Variants in ERMARD observed in about 807,000 individuals in gnomAD.
The protein encoded by ERMARD is endoplasmic reticulum membrane-associated RNA degradation protein.
A neutral mutation model predicts 83.9 loss-of-function variants in ERMARD; 71 were observed. That is an observed-to-expected ratio of 0.85 (90% CI 0.70 to 1.03). ERMARD has a LOEUF of 1.03. ERMARD is among the 50% of genes least tolerant of loss of function. The pLI is 0.00. For missense variants in ERMARD, 838 were observed against 810.9 expected (o/e 1.03, Z -0.41); for synonymous variants, 284 against 298.6 (o/e 0.95, Z 0.50).
At chr6:169,766,240 A>C (rs186982000) in intron 9 of ERMARD, among the ~76,000 whole-genome samples, 1 of 152,372 alleles carries the variant, frequency 6.6e-6, no homozygotes, top group East Asian at 1.9e-4. Flanking sequence ...AGCGTGCATG[A>C]AATAAAATAA....
chr6:169,770,651 G>C (rs1392240881), intron 12 of ERMARD: 1 of 151,688 alleles, frequency 6.6e-6, no homozygotes, highest in Non-Finnish European at 1.5e-5. Flanking sequence ...ACAGGGTCTT[G>C]CTCTGTCACC....
In ERMARD at chr6:169,760,773, T is replaced by C; in HGVS notation, c.857+17T>C. 6.4e-7 allele frequency: 1 copy of C among 1,566,608 alleles called. No homozygotes were observed. The highest frequency in any genetic ancestry group is 8.8e-7 in the Non-Finnish European group (1 of 1,140,306). The stretch of plus-strand genomic sequence containing the variant: ...GTCACACAGGTAACTAAAGGGTACA[T>C]GGCAGAGTGGTTTGCAGTGGTTGGA... On this transcript the variant is annotated intron_variant, in intron 8 of 17. Transcript: ENST00000366773.
chr6:169,772,853 A>T (rs2128361075), intron 12 of ERMARD, among the ~76,000 whole-genome samples: 1 of 151,410 alleles, frequency 6.6e-6, no homozygotes, highest in South Asian at 2.1e-4. Flanking sequence ...TTTGTTTCTC[A>T]TAGGTTTTAG....
At chr6:169,781,231 GTTTAC>G (rs1442655688) in intron 17 of ERMARD, 94 bp from the exon 18 acceptor site, 12 of 1,122,812 alleles carry the variant, frequency 1.1e-5, no homozygotes, top group South Asian at 6.6e-5. Context: ...ATTAACTGCA[GTTTAC>G]TTTAGGAATA....
At chr6:169,757,551 A>G (rs1018724269) in intron 5 of ERMARD, among the ~76,000 whole-genome samples, 3 of 152,220 alleles carry the variant, frequency 2.0e-5, no homozygotes, top group African/African-American at 7.2e-5. Flanking sequence ...AAAAAAATTC[A>G]GATGTTAAAA....
intron 3 of ERMARD, 38 bp from the exon 4 acceptor site, chr6:169,756,300 C>A: frequency 7.7e-7 from 1 of 1,295,032 alleles, no homozygotes; most frequent in Non-Finnish European, 1.1e-6. Context: ...GAAGTAGTTT[C>A]AGAGTGTACA....
intron 3 of ERMARD, 64 bp downstream of exon 3, chr6:169,755,486 A>G (rs1384236571): frequency 7.6e-6 from 12 of 1,577,790 alleles, no homozygotes; most frequent in African/African-American, 4.1e-5. Context: ...AGGACGTACT[A>G]TTTGCCAATT....
rs370300342 is a variant in ERMARD, at chr6:169,769,603, G to A, written c.1123G>A (p.Gly375Arg). 1.2e-5 allele frequency: 20 copies of A among 1,612,912 alleles called. No individual in the cohort carries two copies. Among genetic ancestry groups the A allele is most frequent in the East Asian group, 1.1e-4 (5 of 44,868 alleles). Residue 375 changes from glycine to arginine, a missense_variant, in exon 12 of 18, where the codon GGG (glycine) becomes AGG (arginine). Transcript: ENST00000366773. ...CCGCATAAGAGATCATTTAAGCCAC[G>A]GGGAGATCAACTTACATGAATTTTC... ...GPRIRDHLSH[G>R]EINLHEFSKE...
chr6:169,776,539 G>C lies in ERMARD; in HGVS notation c.1605G>C (p.Val535=), dbSNP rs1419086831. ...GGATTGTGCTGGAAGTGCTGGTTGT[G>C]CTCCGAAGCATCAGCGAACAGTGCC... ...CPRIVLEVLV[V]LRSISEQCRR... Residue 535 remains valine, a synonymous_variant, in exon 16 of 18, where the codon GTG becomes GTC. Transcript: ENST00000366773. The C allele has an allele frequency of 6.2e-7, 1 of 1,614,194 alleles. No homozygotes were observed. Among genetic ancestry groups the C allele is most frequent in the South Asian group, 1.1e-5 (1 of 91,078 alleles).
rs375610749 is a variant in ERMARD, at chr6:169,756,463, A to G, written c.417+24A>G. On this transcript the variant is annotated intron_variant, in intron 4 of 17. Transcript: ENST00000366773. Reference sequence around the variant, plus strand: ...ATGTAAGTGTGAGAACTCTTTCATTATTGGCCCATTAAATTATCTGAATGA... The same window carrying G: ...ATGTAAGTGTGAGAACTCTTTCATTGTTGGCCCATTAAATTATCTGAATGA... The G allele has an allele frequency of 3.4e-6, 5 of 1,480,374 alleles. No homozygotes were observed. The African/African-American group carries it at 4.2e-5, about 12-fold the overall frequency. 91.7% of individuals were successfully genotyped at this position (1,480,374 alleles called of 1,614,324 possible).
chr6:169,781,317 T>A lies in ERMARD; in HGVS notation c.1854-13T>A, dbSNP rs763269387. ...TAATGGAATGGATAAAGAAATTAAT[T>A]TTTTTTTTACAGGTTTGTAAAGTCG... is the stretch of plus-strand genomic sequence containing the variant. On this transcript the variant is annotated splice_polypyrimidine_tract_variant and intron_variant, in intron 17 of 17. Coordinates refer to ENST00000366773, the MANE Select transcript of ERMARD (RefSeq NM_018341.3). 2 of 1,574,572 alleles carry A rather than the reference T, an allele frequency of 1.3e-6. No individual in the cohort carries two copies. Among genetic ancestry groups the A allele is most frequent in the Admixed American group, 4.0e-5 (2 of 49,588 alleles).
chr6:169,767,780 C>CACACACACACAG (rs1185340700), intron 10 of ERMARD: 25 of 351,632 alleles, frequency 7.1e-5, no homozygotes, highest in African/African-American at 5.2e-4. Context: ...CACACACACA[C>CACACACACACAG]AGGCACAGTT....
chr6:169,775,380 G>C, intron 14 of ERMARD, 34 bp downstream of exon 14: 1 of 1,606,284 alleles, frequency 6.2e-7, no homozygotes, highest in Non-Finnish European at 8.5e-7. Flanking sequence ...CTGACCTCAA[G>C]CTTGTCTGGT....
chr6:169,766,671 A>G lies in ERMARD; in HGVS notation c.990+4A>G. The G allele has an allele frequency of 6.4e-7, 1 of 1,573,016 alleles. No individual in the cohort carries two copies. The highest frequency in any genetic ancestry group is 8.6e-7 in the Non-Finnish European group (1 of 1,169,156). On this transcript the variant is annotated splice_donor_region_variant and intron_variant, in intron 10 of 17. Coordinates refer to ENST00000366773, the MANE Select transcript of ERMARD (RefSeq NM_018341.3). The stretch of plus-strand genomic sequence containing the variant: ...TCTTTATACCACCTTTGATCAAGTA[A>G]GTAAGTAAACTTGTAAGGTAACTTG...
intron 15 of ERMARD, 155 bp downstream of exon 15, chr6:169,776,220 G>C: frequency 6.6e-7 from 1 of 1,515,706 alleles, no homozygotes; most frequent in East Asian, 2.4e-5. Flanking sequence ...GATAAGTTTT[G>C]ACAATCTCTG....
In ERMARD at chr6:169,781,436, A is replaced by G. The variant is rs1794187033; in HGVS notation, c.1960A>G (p.Lys654Glu). Residue 654 changes from lysine (K) to glutamate (E), a missense_variant, in exon 18 of 18, where the codon AAA becomes GAA. Transcript: ENST00000366773. The stretch of plus-strand genomic sequence containing the variant: ...CAATCTTACACATACAGCTTTGTTG[A>G]AAATGTGGACTTTTAGTGAGAAGAA... Reference protein sequence around the residue: ...TINLTHTALLKMWTFSEKKQM... With the variant: ...TINLTHTALLEMWTFSEKKQM... The G allele has an allele frequency of 6.2e-7, 1 of 1,612,664 alleles. No individual in the cohort carries two copies.
chr6:169,763,710 A>T (rs1213196965), intron 9 of ERMARD, among the ~76,000 whole-genome samples: 1 of 152,078 alleles, frequency 6.6e-6, no homozygotes. Flanking sequence ...TCCCTGGGAG[A>T]TCTCATACAA....
chr6:169,774,199 T>C (rs1047382440), intron 13 of ERMARD, among the ~76,000 whole-genome samples: 4 of 152,196 alleles, frequency 2.6e-5, no homozygotes, highest in Admixed American at 2.6e-4. Flanking sequence ...CCGGGCGTGA[T>C]GGCAGGTGCC....
upstream of ERMARD, chr6:169,751,403 G>T: frequency 6.2e-7 from 1 of 1,614,132 alleles, no homozygotes; most frequent in Non-Finnish European, 8.5e-7. Flanking sequence ...CTGCTGAGGG[G>T]TCTGGTTCGG....
Sources: allele counts gnomAD v4.1 joint callset (sites outside exome capture counted in the v4.1 genomes callset), GRCh38; gene constraint gnomAD v4.1.1; transcripts MANE v1.5; gene names NCBI Gene and HGNC (gene_info 2026-07-23, HGNC 2026-07-21).